The following TMEM117 variants were observed in gnomAD, a reference collection of about 807,000 sequenced individuals.
TMEM117 encodes transmembrane protein 117.
A neutral mutation model predicts 52.4 loss-of-function variants in TMEM117; 27 were observed. The observed-to-expected ratio is 0.51, with a 90% CI of 0.38 to 0.71. The LOEUF (loss-of-function observed/expected upper bound fraction) is 0.71. Ranked by LOEUF, TMEM117 falls within the 30% of genes least tolerant of loss-of-function variation. TMEM117 has a pLI of 0.00. For missense variants in TMEM117, 556 were observed against 630.5 expected (o/e 0.88, Z 1.26); for synonymous variants, 215 against 206.3 (o/e 1.04, Z -0.36).
intron 2 of TMEM117, among the ~76,000 whole-genome samples, chr12:43,899,201 T>G (rs1457451196): frequency 6.6e-6 from 1 of 152,214 alleles, no homozygotes; most frequent in Non-Finnish European, 1.5e-5. Context: ...ACCCAAAATA[T>G]TTTTCTTAGC....
At chr12:43,990,967 A>T (rs1358774680) in intron 3 of TMEM117, among the ~76,000 whole-genome samples, 1 of 152,220 alleles carries the variant, frequency 6.6e-6, no homozygotes, top group Non-Finnish European at 1.5e-5. Context: ...GAATTTAATA[A>T]AATATCACTG....
chr12:43,816,410 A>T, the TMEM117 span, among the ~76,000 whole-genome samples: 1 of 151,550 alleles, frequency 6.6e-6, no homozygotes, highest in African/African-American at 2.4e-5. Flanking sequence ...CCTATCCACT[A>T]CTCATGACTT....
chr12:43,997,691 G>C (rs191124312), intron 3 of TMEM117, among the ~76,000 whole-genome samples: 16 of 152,158 alleles, frequency 1.1e-4, no homozygotes, highest in African/African-American at 2.9e-4. Flanking sequence ...CATGGGCCTC[G>C]CATGAATTAG....
intron 6 of TMEM117, among the ~76,000 whole-genome samples, chr12:44,313,747 T>A (rs142925710): frequency 1.7e-3 from 263 of 152,342 alleles, no homozygotes; most frequent in African/African-American, 6.0e-3. Flanking sequence ...GAGCATGGAA[T>A]GTTTTTCCAT....
At chr12:43,859,488 G>A (rs1009834154) in intron 2 of TMEM117, among the ~76,000 whole-genome samples, 1 of 127,226 alleles carries the variant, frequency 7.9e-6, no homozygotes, top group African/African-American at 2.6e-5. Flanking sequence ...AATGTAAAAA[G>A]TTATATAAAC....
At chr12:44,005,881 T>G (rs1946186327) in intron 3 of TMEM117, among the ~76,000 whole-genome samples, 1 of 152,194 alleles carries the variant, frequency 6.6e-6, no homozygotes, top group Admixed American at 6.5e-5. Context: ...CTGTACAAGA[T>G]CTCTCTTTTT....
chr12:44,368,872 T>C (rs542605584), intron 6 of TMEM117, among the ~76,000 whole-genome samples: 8 of 152,248 alleles, frequency 5.3e-5, no homozygotes, highest in Non-Finnish European at 1.0e-4. Context: ...GTAAGAAATA[T>C]GCCAATTTAT....
chr12:44,329,531 A>G (rs950017909), intron 6 of TMEM117, among the ~76,000 whole-genome samples: 1 of 152,130 alleles, frequency 6.6e-6, no homozygotes, highest in South Asian at 2.1e-4. Context: ...TGGTCTGAAT[A>G]AAGTCTTCCT....
chr12:44,160,300 C>G (rs1172180075), intron 4 of TMEM117, among the ~76,000 whole-genome samples: 1 of 152,026 alleles, frequency 6.6e-6, no homozygotes, highest in Non-Finnish European at 1.5e-5. Context: ...TATACACACA[C>G]ACATATAACT....
At chr12:44,161,519 C>T (rs1948898024) in intron 4 of TMEM117, among the ~76,000 whole-genome samples, 1 of 152,130 alleles carries the variant, frequency 6.6e-6, no homozygotes. Flanking sequence ...CTAATGCTCA[C>T]CTTATAAGAG....
At chr12:44,330,923 G>C (rs958042616) in intron 6 of TMEM117, among the ~76,000 whole-genome samples, 1 of 151,980 alleles carries the variant, frequency 6.6e-6, no homozygotes, top group Non-Finnish European at 1.5e-5. Flanking sequence ...TAATGGCATT[G>C]TTTTATACTA....
intron 5 of TMEM117, among the ~76,000 whole-genome samples, chr12:44,219,148 C>T (rs1364880605): frequency 1.3e-5 from 2 of 152,150 alleles, no homozygotes; most frequent in African/African-American, 2.4e-5. Context: ...TACTTATGTT[C>T]TATTACCCTT....
chr12:43,820,145 T>C, the TMEM117 span, among the ~76,000 whole-genome samples: 1 of 151,164 alleles, frequency 6.6e-6, no homozygotes, highest in Non-Finnish European at 1.5e-5. Context: ...TTTTGCCAAG[T>C]GGAGTGCTGT....
At chr12:43,999,806 T>G (rs140478117) in intron 3 of TMEM117, among the ~76,000 whole-genome samples, 5 of 152,264 alleles carry the variant, frequency 3.3e-5, no homozygotes, top group African/African-American at 9.6e-5. Context: ...ATAGATGGAT[T>G]TTTGAAATTA....
intron 4 of TMEM117, among the ~76,000 whole-genome samples, chr12:44,157,318 T>G (rs1023028687): frequency 6.6e-6 from 1 of 152,158 alleles, no homozygotes; most frequent in Non-Finnish European, 1.5e-5. Flanking sequence ...AGGATATGGC[T>G]GTGAACTGCT....
At chr12:43,874,021 A>T (rs1215443324) in intron 2 of TMEM117, among the ~76,000 whole-genome samples, 1 of 151,510 alleles carries the variant, frequency 6.6e-6, no homozygotes, top group African/African-American at 2.4e-5. Context: ...TTCATTTGTT[A>T]TATTCTAGTC....
chr12:44,393,082 C>T (rs570530870), downstream of TMEM117, among the ~76,000 whole-genome samples: 1 of 152,092 alleles, frequency 6.6e-6, no homozygotes, highest in East Asian at 1.9e-4. Context: ...GAAAGTATTA[C>T]TAATTTAATA....
chr12:43,865,893 G>A (rs1050307833), intron 2 of TMEM117, among the ~76,000 whole-genome samples: 1 of 151,572 alleles, frequency 6.6e-6, no homozygotes, highest in Non-Finnish European at 1.5e-5. Context: ...TACTCTTAGA[G>A]GAAGATAATA....
chr12:43,897,243 G>A (rs1944220770), intron 2 of TMEM117, among the ~76,000 whole-genome samples: 1 of 151,376 alleles, frequency 6.6e-6, no homozygotes, highest in African/African-American at 2.4e-5. Flanking sequence ...TTGGACTTTT[G>A]TGGTACTGAA....
Sources: gnomAD v4.1 joint callset for allele counts (sites outside exome capture counted in the v4.1 genomes callset) on GRCh38, gnomAD v4.1.1 for gene constraint, MANE v1.5 for transcripts, NCBI Gene and HGNC (gene_info 2026-07-23, HGNC 2026-07-21) for gene names.